Variants in TMPRSS15 observed in about 807,000 individuals in gnomAD.
TMPRSS15 encodes the protein enteropeptidase.
TMPRSS15 carries 128 observed loss-of-function variants against 125.3 expected under a neutral mutation model. That is an observed-to-expected ratio of 1.02 (90% CI 0.89 to 1.18). The LOEUF is 1.18. Among genes scored for constraint, TMPRSS15 ranks in the 50% most tolerant of loss-of-function variants. The pLI is 0.00. For synonymous variants in TMPRSS15, 446 were observed against 423.2 expected, an observed-to-expected ratio of 1.05 and a Z score of -0.66; for missense variants, 1,283 against 1,212.7, an observed-to-expected ratio of 1.06 and a Z score of -0.86.
intron 1 of TMPRSS15, among the ~76,000 whole-genome samples, chr21:18,416,742 ACTTT>A (rs371322257): frequency 2.0e-5 from 3 of 152,126 alleles, no homozygotes; most frequent in South Asian, 2.1e-4. Context: ...ATGACTTTTG[ACTTT>A]CTTTATCTTT....
chr21:18,314,604 T>G (rs1348689146), intron 17 of TMPRSS15, among the ~76,000 whole-genome samples: 1 of 151,268 alleles, frequency 6.6e-6, no homozygotes, highest in African/African-American at 2.4e-5. Flanking sequence ...TGTTGTGGAT[T>G]TTTTTTTTAA....
intron 15 of TMPRSS15, among the ~76,000 whole-genome samples, chr21:18,327,626 T>G (rs2075305051): frequency 6.6e-6 from 1 of 152,182 alleles, no homozygotes; most frequent in African/African-American, 2.4e-5. Context: ...ATTCATTGAT[T>G]AGTTGCAGCA....
At chr21:18,382,521 A>G (rs975559563) in intron 4 of TMPRSS15, among the ~76,000 whole-genome samples, 9 of 152,316 alleles carry the variant, frequency 5.9e-5, no homozygotes, top group African/African-American at 1.7e-4. Context: ...CATATCTACT[A>G]TTAGAAAATA....
chr21:18,482,278 T>C (rs926306495), intron 1 of TMPRSS15, among the ~76,000 whole-genome samples: 10 of 151,542 alleles, frequency 6.6e-5, no homozygotes, highest in African/African-American at 2.4e-4. Context: ...ACTTTATACA[T>C]TTAAATCAGA....
intron 1 of TMPRSS15, among the ~76,000 whole-genome samples, chr21:18,441,143 A>G (rs954905452): frequency 3.3e-5 from 5 of 151,582 alleles, no homozygotes; most frequent in African/African-American, 1.2e-4. Context: ...AAATACAAAA[A>G]TGAGCCAGGT....
chr21:18,413,348 C>CTTCCTTCCTTCCT (rs1555911471), intron 1 of TMPRSS15, among the ~76,000 whole-genome samples: 10 of 131,466 alleles, frequency 7.6e-5, no homozygotes, highest in African/African-American at 2.4e-4. Context: ...TCCTTCCTTC[C>CTTCCTTCCTTCCT]TTCCTTCCTT....
chr21:18,324,149 C>T (rs1372561207), intron 16 of TMPRSS15, among the ~76,000 whole-genome samples: 1 of 151,880 alleles, frequency 6.6e-6, no homozygotes, highest in Non-Finnish European at 1.5e-5. Context: ...TATTCAGATC[C>T]AGAAAGCGTA....
intron 1 of TMPRSS15, among the ~76,000 whole-genome samples, chr21:18,447,810 C>T (rs1190998972): frequency 6.6e-6 from 1 of 152,004 alleles, no homozygotes; most frequent in African/African-American, 2.4e-5. Context: ...GTTCGTTAAG[C>T]CTCTTTTTTT....
rs149638070 is a variant in TMPRSS15, at chr21:18,314,963, T to C, written c.2032+183A>G. Among the ~76,000 whole-genome samples the C allele has an allele frequency of 5.4e-3, 818 of 152,294 alleles. 6 individuals carry two copies. Among genetic ancestry groups the C allele is most frequent in the Non-Finnish European group, 8.4e-3 (569 of 68,012 alleles). ...AACAAACAATAAACTGAGGCCTGCG[T>C]ATTAACTTTTCTTCTATCCAGATGG... On this transcript the variant is annotated intron_variant, in intron 17 of 24. Coordinates refer to ENST00000284885, the MANE Select transcript of TMPRSS15 (RefSeq NM_002772.3).
chr21:18,428,951 G>A (rs368743750), intron 1 of TMPRSS15, among the ~76,000 whole-genome samples: 4 of 152,236 alleles, frequency 2.6e-5, no homozygotes, highest in African/African-American at 9.6e-5. Context: ...TGCAAACCCT[G>A]AATGCCAACT....
At chr21:18,295,294 A>AT (rs1328753009) in intron 19 of TMPRSS15, among the ~76,000 whole-genome samples, 3 of 152,220 alleles carry the variant, frequency 2.0e-5, no homozygotes, top group Admixed American at 2.0e-4. Context: ...AGTGTCAAGA[A>AT]TTCCATTTTA....
upstream of TMPRSS15, among the ~76,000 whole-genome samples, chr21:18,406,372 GACTTCA>G (rs1439156733): frequency 1.3e-5 from 2 of 152,176 alleles, no homozygotes; most frequent in African/African-American, 4.8e-5. Flanking sequence ...CAGGGAAGCT[GACTTCA>G]GTGTGCAGAG....
chr21:18,406,686 G>C (rs969890171), upstream of TMPRSS15, among the ~76,000 whole-genome samples: 1 of 152,098 alleles, frequency 6.6e-6, no homozygotes, highest in African/African-American at 2.4e-5. Flanking sequence ...GTCATTCATC[G>C]CTTGTCTGAG....
chr21:18,467,373 T>C (rs1176661800), intron 1 of TMPRSS15, among the ~76,000 whole-genome samples: 1 of 151,694 alleles, frequency 6.6e-6, no homozygotes, highest in Non-Finnish European at 1.5e-5. Context: ...ACCTGCACGT[T>C]CTGCACATGT....
chr21:18,313,415 T>C (rs1193472154), intron 17 of TMPRSS15, among the ~76,000 whole-genome samples: 2 of 151,098 alleles, frequency 1.3e-5, no homozygotes, highest in East Asian at 1.9e-4. Context: ...TCTCTCTCCA[T>C]ACTTTCTATT....
In TMPRSS15 at chr21:18,353,052, T is replaced by A. The variant is rs778191376; in HGVS notation, c.1022A>T (p.Asn341Ile). 6.2e-7 allele frequency: 1 copy of A among 1,608,662 alleles called. No homozygotes were observed. The highest frequency in any genetic ancestry group is 1.7e-5 in the Admixed American group (1 of 59,580). ...AAAGTTACAATTAATTTTCTCATAA[T>A]CTGTGAATGAAAAAAAAGAAGGAAT... ...YTAFNSSELNNYEKINCNFED... is the reference protein window; with the variant it reads ...YTAFNSSELNIYEKINCNFED... The change falls in exon 10 of 25, where the codon AAT becomes ATT. Residue 341 changes from asparagine (N) to isoleucine (I), a missense_variant and splice_region_variant. Transcript: ENST00000284885.
chr21:18,399,372 G>A (rs775634655), intron 1 of TMPRSS15, among the ~76,000 whole-genome samples: 12 of 152,078 alleles, frequency 7.9e-5, no homozygotes, highest in Admixed American at 7.9e-4. Context: ...AATTCAGGCA[G>A]TATGTGTGCA....
At chr21:18,449,634 G>A (rs1021269707) in intron 1 of TMPRSS15, among the ~76,000 whole-genome samples, 2 of 152,022 alleles carry the variant, frequency 1.3e-5, no homozygotes, top group Non-Finnish European at 2.9e-5. Context: ...CATGTACAGT[G>A]TTTAGACGAG....
intron 16 of TMPRSS15, 77 bp from the exon 17 acceptor site, chr21:18,315,333 T>C: frequency 2.4e-6 from 3 of 1,265,280 alleles, no homozygotes; most frequent in Non-Finnish European, 3.4e-6. Flanking sequence ...TCCCATTTGC[T>C]CCCCTTTAAA....
Sources: gnomAD v4.1 joint callset for allele counts (sites outside exome capture counted in the v4.1 genomes callset) on GRCh38, gnomAD v4.1.1 for gene constraint, MANE v1.5 for transcripts, NCBI Gene and HGNC (gene_info 2026-07-23, HGNC 2026-07-21) for gene names.